IL15: variants seen among roughly 807,000 people sequenced by gnomAD.
IL15 encodes the protein interleukin-15.
A neutral mutation model predicts 19.6 loss-of-function variants in IL15; 11 were observed. The ratio of observed to expected loss-of-function variants is 0.56; its 90% CI spans 0.35 to 0.93. The LOEUF (loss-of-function observed/expected upper bound fraction) is 0.93, where lower values mean the gene tolerates loss of function less well. Among genes scored for constraint, IL15 ranks in the 40% least tolerant of loss-of-function variants. The pLI, the probability that IL15 is intolerant of heterozygous loss-of-function variation, is 0.01. For missense variants in IL15, 197 were observed against 186.5 expected, an observed-to-expected ratio of 1.06 and a Z score of -0.33; for synonymous variants, 58 against 59.6, an observed-to-expected ratio of 0.97 and a Z score of 0.12.
At chr4:141,693,712 A>G (rs1010297367) in intron 2 of IL15, among the ~76,000 whole-genome samples, 1 of 152,230 alleles carries the variant, frequency 6.6e-6, no homozygotes, top group Non-Finnish European at 1.5e-5. Flanking sequence ...TTAGATACAC[A>G]TTTGTTGGAT....
chr4:141,732,671 C>A, intron 7 of IL15, 67 bp from the exon 8 acceptor site: 1 of 1,574,502 alleles, frequency 6.4e-7, no homozygotes, highest in Non-Finnish European at 8.6e-7. Flanking sequence ...ATGATATTCC[C>A]ATTCCCATGA....
Position 141,732,727 on chromosome 4 carries a change from A to G in IL15, c.379-11A>G, listed in dbSNP as rs974943573. On this transcript the variant is annotated splice_polypyrimidine_tract_variant and intron_variant, in intron 7 of 7. Coordinates refer to ENST00000320650, the MANE Select transcript of IL15 (RefSeq NM_000585.5). ...TAAATTGCCAATTTAATCTCTCTCT[A>G]TATTTTGCAGAATGTAACAGAATCT... is the stretch of plus-strand genomic sequence containing the variant. The G allele has an allele frequency of 1.2e-5, 20 of 1,606,254 alleles. No homozygotes were observed. The highest frequency in any genetic ancestry group is 4.0e-5 in the African/African-American group (3 of 74,342).
intron 1 of IL15, among the ~76,000 whole-genome samples, chr4:141,640,092 T>C (rs1726993327): frequency 6.6e-6 from 1 of 152,180 alleles, no homozygotes; most frequent in Non-Finnish European, 1.5e-5. Context: ...TTCCAGACTG[T>C]ATTGAATATA....
intron 2 of IL15, among the ~76,000 whole-genome samples, chr4:141,709,457 G>A (rs1426883098): frequency 6.6e-6 from 1 of 152,156 alleles, no homozygotes; most frequent in East Asian, 1.9e-4. Context: ...AGGGCCAATG[G>A]TTAAATAGTT....
chr4:141,648,230 T>C (rs1328218798), intron 1 of IL15, among the ~76,000 whole-genome samples: 1 of 152,048 alleles, frequency 6.6e-6, no homozygotes, highest in Non-Finnish European at 1.5e-5. Context: ...GGGATGTACT[T>C]TGGGCCAGGT....
At position 141,723,166 on chromosome 4, in the gene IL15, A is replaced by T. The variant is rs936425358; in HGVS notation, c.195+1158A>T. Among the ~76,000 whole-genome samples, 8 of 152,206 alleles carry T rather than the reference A, an allele frequency of 5.3e-5. No homozygotes were observed. The East Asian group carries it at 7.7e-4, about 15-fold the overall frequency. ...CAATGACATACATAGGTTGAAATTT[A>T]AAAAGACAGAAAAAGATATAGCATA... is the stretch of plus-strand genomic sequence containing the variant. On this transcript the variant is annotated intron_variant, in intron 5 of 7. Transcript: ENST00000320650.
chr4:141,702,774 AATT>A (rs928748557), intron 2 of IL15, among the ~76,000 whole-genome samples: 1 of 152,012 alleles, frequency 6.6e-6, no homozygotes, highest in Non-Finnish European at 1.5e-5. Flanking sequence ...TGCCCAGGGG[AATT>A]ATTCTGGTTT....
intron 4 of IL15, chr4:141,720,899 T>C (rs534067759): frequency 3.7e-6 from 2 of 538,836 alleles, no homozygotes; most frequent in East Asian, 3.1e-5. Context: ...AATTTGCTTA[T>C]GTTACTTTTT....
intron 2 of IL15, among the ~76,000 whole-genome samples, chr4:141,676,385 T>G (rs1301904328): frequency 6.6e-6 from 1 of 152,194 alleles, no homozygotes; most frequent in Non-Finnish European, 1.5e-5. Flanking sequence ...CAAGTAAAAT[T>G]CTTTTGATTT....
chr4:141,721,145 C>T (rs939167045), intron 4 of IL15: 6 of 1,452,836 alleles, frequency 4.1e-6, no homozygotes, highest in Middle Eastern at 1.7e-4. Context: ...CTACTAATGC[C>T]TTCATGGTAT....
At chr4:141,654,785 C>G (rs1184687612) in intron 1 of IL15, among the ~76,000 whole-genome samples, 1 of 152,046 alleles carries the variant, frequency 6.6e-6, no homozygotes. Flanking sequence ...TGCATAAGAG[C>G]TGAATTAGAG....
At chr4:141,644,773 T>G (rs1050411895) in intron 1 of IL15, among the ~76,000 whole-genome samples, 2 of 152,072 alleles carry the variant, frequency 1.3e-5, no homozygotes, top group Admixed American at 6.6e-5. Context: ...AATAGGACAA[T>G]TGCTTTAAAA....
intron 2 of IL15, among the ~76,000 whole-genome samples, chr4:141,663,328 A>G (rs1727853946): frequency 6.6e-6 from 1 of 152,236 alleles, no homozygotes; most frequent in South Asian, 2.1e-4. Context: ...CCCATTATAA[A>G]GGTCACAGCC....
rs192537508 is a variant in IL15 at position 141,701,919 on chromosome 4, T to C, written c.-99-17447T>C. On this transcript the variant is annotated intron_variant, in intron 2 of 7. Transcript: ENST00000320650. ...CGGGGAATTGTGACCTTGCCTCTTA[T>C]GCAGGCCTGAATATGGAGAGTACTC... Among the ~76,000 whole-genome samples the C allele has an allele frequency of 5.3e-5, 8 of 152,342 alleles. No individual in the cohort carries two copies. The East Asian group carries it at 9.6e-4, about 18-fold the overall frequency.
chr4:141,712,577 A>G (rs1729747506), intron 2 of IL15, among the ~76,000 whole-genome samples: 1 of 149,274 alleles, frequency 6.7e-6, no homozygotes, highest in Non-Finnish European at 1.5e-5. Context: ...AGGTGTTTCT[A>G]TATTTATTTT....
intron 2 of IL15, among the ~76,000 whole-genome samples, chr4:141,699,525 A>G (rs1337299632): frequency 2.6e-5 from 4 of 152,164 alleles, no homozygotes; most frequent in East Asian, 1.9e-4. Flanking sequence ...TTAGGTGCAT[A>G]TAAATTTAGG....
At chr4:141,724,990 C>A (rs1730212229) in intron 5 of IL15, among the ~76,000 whole-genome samples, 1 of 152,006 alleles carries the variant, frequency 6.6e-6, no homozygotes, top group South Asian at 2.1e-4. Context: ...AAAGATATTA[C>A]TAAAAAAGAC....
chr4:141,666,607 G>A (rs1429397599), intron 2 of IL15, among the ~76,000 whole-genome samples: 1 of 151,670 alleles, frequency 6.6e-6, no homozygotes, highest in African/African-American at 2.4e-5. Flanking sequence ...GCCTCCCAAA[G>A]TGCTGGGATT....
At chr4:141,682,312 A>G in intron 2 of IL15, among the ~76,000 whole-genome samples, 1 of 152,224 alleles carries the variant, frequency 6.6e-6, no homozygotes. Context: ...GAAAATTTGA[A>G]TAGTAGGAAA....
Sources: allele counts gnomAD v4.1 joint callset (sites outside exome capture counted in the v4.1 genomes callset), GRCh38; gene constraint gnomAD v4.1.1; transcripts MANE v1.5; gene names NCBI Gene and HGNC (gene_info 2026-07-23, HGNC 2026-07-21).